ATRN: variants seen among roughly 807,000 people sequenced by gnomAD.
The protein encoded by ATRN is attractin.
ATRN carries 54 observed loss-of-function variants against 178.7 expected under a neutral mutation model. The observed-to-expected ratio is 0.30, with a 90% confidence interval of 0.24 to 0.38. The LOEUF (loss-of-function observed/expected upper bound fraction) is 0.38. Among genes scored for constraint, ATRN ranks in the 10% least tolerant of loss-of-function variants. The pLI, the probability that ATRN is intolerant of heterozygous loss-of-function variation, is 1.00. For synonymous variants in ATRN, 636 were observed against 663.0 expected, an observed-to-expected ratio of 0.96 and a Z score of 0.63; for missense variants, 1,443 against 1,815.1, an observed-to-expected ratio of 0.79 and a Z score of 3.73.
intron 25 of ATRN, among the ~76,000 whole-genome samples, chr20:3,631,493 A>G (rs1223293941): frequency 6.6e-6 from 1 of 152,148 alleles, no homozygotes; most frequent in African/African-American, 2.4e-5. Context: ...TCCTAATGAG[A>G]TGCTTTTCCA....
At chr20:3,560,227 T>G (rs569255546) in intron 7 of ATRN, among the ~76,000 whole-genome samples, 29 of 152,170 alleles carry the variant, frequency 1.9e-4, no homozygotes, top group Non-Finnish European at 3.7e-4. Context: ...AGTTCCCACA[T>G]ATGATTGATA....
chr20:3,489,362 C>T (rs2084747741), intron 1 of ATRN, among the ~76,000 whole-genome samples: 1 of 152,128 alleles, frequency 6.6e-6, no homozygotes, highest in Non-Finnish European at 1.5e-5. Context: ...AGATAAAACA[C>T]ATCTCAGCCC....
chr20:3,541,302 C>A (rs943798775), intron 3 of ATRN, among the ~76,000 whole-genome samples: 2 of 152,024 alleles, frequency 1.3e-5, no homozygotes, highest in Non-Finnish European at 2.9e-5. Context: ...TGGTCTCGAT[C>A]TCCTGACCTC....
chr20:3,643,879 C>T (rs2087087638), intron 27 of ATRN, among the ~76,000 whole-genome samples: 1 of 152,132 alleles, frequency 6.6e-6, no homozygotes, highest in South Asian at 2.1e-4. Flanking sequence ...CAGAAGAAAC[C>T]CACTTGGCGT....
At chr20:3,485,183 A>G (rs774703843) in intron 1 of ATRN, among the ~76,000 whole-genome samples, 6 of 152,068 alleles carry the variant, frequency 3.9e-5, no homozygotes, top group Non-Finnish European at 5.9e-5. Flanking sequence ...TTGAATTTTT[A>G]TATCTATGAA....
intron 1 of ATRN, among the ~76,000 whole-genome samples, chr20:3,519,640 G>T (rs932255360): frequency 6.6e-6 from 1 of 152,194 alleles, no homozygotes; most frequent in Non-Finnish European, 1.5e-5. Flanking sequence ...AGTGTACACT[G>T]CTTGAATGAT....
At position 3,543,187 on chromosome 20, in the gene ATRN, C is replaced by T. The variant is rs934514648; in HGVS notation, c.609-2575C>T. Among the ~76,000 whole-genome samples, 7 of 152,284 alleles carry T rather than the reference C, an allele frequency of 4.6e-5. No homozygotes were observed. The East Asian group carries it at 7.7e-4, about 17-fold the overall frequency. On this transcript the variant is annotated intron_variant, in intron 3 of 28. Coordinates refer to ENST00000262919, the MANE Select transcript of ATRN (RefSeq NM_139321.3). ...TAGCATTTGTCTCTACCTGGCATTA[C>T]GTATACACACACCTGTGTGGGGAGT...
intron 20 of ATRN, 42 bp downstream of exon 20, chr20:3,594,614 G>A (rs1281239109): frequency 9.8e-6 from 15 of 1,534,714 alleles, no homozygotes; most frequent in Non-Finnish European, 1.2e-5. Context: ...GGACCAAGAG[G>A]CTGTGCAGCT....
chr20:3,527,624 A>G (rs936943728), intron 1 of ATRN, among the ~76,000 whole-genome samples: 3 of 152,238 alleles, frequency 2.0e-5, no homozygotes, highest in Non-Finnish European at 4.4e-5. Context: ...ATGCACACAT[A>G]TGTTTATTGC....
chr20:3,524,564 C>T (rs1432290993), intron 1 of ATRN, among the ~76,000 whole-genome samples: 1 of 152,134 alleles, frequency 6.6e-6, no homozygotes. Flanking sequence ...ACCAACAGGA[C>T]CTAATAGACA....
At chr20:3,490,817 T>C in intron 1 of ATRN, 2 of 805,232 alleles carry the variant, frequency 2.5e-6, no homozygotes, top group Non-Finnish European at 2.3e-6. Context: ...CCTCCTTTCA[T>C]AATCCATCTT....
At chr20:3,571,156 T>C (rs1264701558) in intron 11 of ATRN, among the ~76,000 whole-genome samples, 3 of 152,186 alleles carry the variant, frequency 2.0e-5, no homozygotes, top group Admixed American at 6.5e-5. Flanking sequence ...GTTTGTCACA[T>C]CCCCAATTGA....
chr20:3,621,365 G>A (rs1315669536), intron 24 of ATRN, among the ~76,000 whole-genome samples: 1 of 150,564 alleles, frequency 6.6e-6, no homozygotes, highest in African/African-American at 2.4e-5. Context: ...TTGAGGAAGT[G>A]CAGGTCCGTA....
chr20:3,635,698 A>T lies in ATRN; in HGVS notation c.3942+1309A>T, dbSNP rs535085178. 2.0e-5 allele frequency among the ~76,000 whole-genome samples: 3 copies of T among 152,308 alleles called. No homozygotes were observed. The East Asian group carries it at 5.8e-4, about 29-fold the overall frequency. On this transcript the variant is annotated intron_variant, in intron 26 of 28. Coordinates refer to ENST00000262919, the MANE Select transcript of ATRN (RefSeq NM_139321.3). Reference sequence around the variant, plus strand: ...ACTGTTGATAGGATATTCATGTCTGAATAGGGTTAAGACAGGCTCCAGGAT... The same window carrying T: ...ACTGTTGATAGGATATTCATGTCTGTATAGGGTTAAGACAGGCTCCAGGAT...
At chr20:3,544,872 C>T (rs151507) in intron 3 of ATRN, among the ~76,000 whole-genome samples, 144,772 of 150,408 alleles carry the variant, frequency 0.96, 69,727 homozygotes, top group East Asian at 1. Context: ...ATTTAGAATC[C>T]GTCATGTGCT....
At chr20:3,479,455 A>G (rs1338597907) in intron 1 of ATRN, among the ~76,000 whole-genome samples, 1 of 152,246 alleles carries the variant, frequency 6.6e-6, no homozygotes, top group African/African-American at 2.4e-5. Flanking sequence ...CTGGTGGAAG[A>G]CATCACAGAA....
At chr20:3,523,251 A>G (rs981924789) in intron 1 of ATRN, among the ~76,000 whole-genome samples, 3 of 151,942 alleles carry the variant, frequency 2.0e-5, no homozygotes, top group Admixed American at 6.6e-5. Context: ...AACAAAGCAC[A>G]AGAACTTTGT....
intron 25 of ATRN, among the ~76,000 whole-genome samples, chr20:3,627,338 G>T (rs1296470675): frequency 6.6e-6 from 1 of 152,232 alleles, no homozygotes; most frequent in Non-Finnish European, 1.5e-5. Flanking sequence ...TGATTCCAAT[G>T]TGCAGCTAAG....
At chr20:3,489,677 T>C in intron 1 of ATRN, 1 of 1,563,474 alleles carries the variant, frequency 6.4e-7, no homozygotes, top group Non-Finnish European at 8.8e-7. Context: ...AGACAGCATC[T>C]TCAATCTGCG....
Sources: gnomAD v4.1 joint callset for allele counts (sites outside exome capture counted in the v4.1 genomes callset) on GRCh38, gnomAD v4.1.1 for gene constraint, MANE v1.5 for transcripts, NCBI Gene and HGNC (gene_info 2026-07-23, HGNC 2026-07-21) for gene names.